Variants in SLC25A13 observed in about 807,000 individuals in gnomAD.
SLC25A13 encodes the protein solute carrier family 25 member 13.
Under a neutral mutation model 85.5 loss-of-function variants are expected in SLC25A13, and 70 were observed. The ratio of observed to expected loss-of-function variants is 0.82; its 90% CI spans 0.68 to 1.00. The LOEUF (loss-of-function observed/expected upper bound fraction) is 1.00. Among genes scored for constraint, SLC25A13 ranks in the 50% least tolerant of loss-of-function variants. The probability of loss-of-function intolerance (pLI) is 0.00; values close to 1 mark genes in which losing one functional copy is unlikely to be tolerated. For missense variants in SLC25A13, 765 were observed against 819.8 expected, an observed-to-expected ratio of 0.93 and a Z score of 0.82; for synonymous variants, 259 against 288.7, an observed-to-expected ratio of 0.90 and a Z score of 1.04.
intron 1 of SLC25A13, among the ~76,000 whole-genome samples, chr7:96,320,495 G>A (rs1388186540): frequency 6.6e-6 from 1 of 152,118 alleles, no homozygotes; most frequent in East Asian, 1.9e-4. Context: ...ACCAAGCCTT[G>A]TACCTTGGTT....
intron 1 of SLC25A13, among the ~76,000 whole-genome samples, chr7:96,301,264 A>G (rs1799539045): frequency 6.6e-6 from 1 of 152,212 alleles, no homozygotes; most frequent in South Asian, 2.1e-4. Context: ...GGGGTTTAGA[A>G]GAGTCATCAA....
chr7:96,218,861 T>C (rs1394235789), intron 4 of SLC25A13, among the ~76,000 whole-genome samples: 1 of 152,210 alleles, frequency 6.6e-6, no homozygotes, highest in African/African-American at 2.4e-5. Context: ...GCATGCTAAA[T>C]CCTCAAAGAA....
rs753950441 is a variant in SLC25A13 at position 96,277,250 on chromosome 7, G to C, written c.158C>G (p.Pro53Arg). ...RYLNIFGESQ[P>R]NPKTVELLSG... is the part of the protein sequence containing the mutation. ...TAAAAGTTCCACAGTCTTTGGATTA[G>C]GCTGGCTTTCTCCAAAAATGTTCAA... The change falls in exon 3 of 18, where the codon CCT becomes CGT. Residue 53 changes from proline (P) to arginine (R), a missense_variant. Coordinates refer to ENST00000265631, the MANE Select transcript of SLC25A13 (RefSeq NM_014251.3). 6.2e-7 allele frequency: 1 copy of C among 1,611,122 alleles called. No homozygotes were observed. Among genetic ancestry groups the C allele is most frequent in the South Asian group, 1.1e-5 (1 of 90,738 alleles).
intron 2 of SLC25A13, among the ~76,000 whole-genome samples, chr7:96,289,712 A>G (rs563169181): frequency 2.0e-5 from 3 of 152,342 alleles, no homozygotes; most frequent in Non-Finnish European, 4.4e-5. Flanking sequence ...TTAGAGAAAA[A>G]AGAGTAAAAA....
chr7:96,179,211 G>C (rs950289470), intron 11 of SLC25A13, among the ~76,000 whole-genome samples: 3 of 152,182 alleles, frequency 2.0e-5, no homozygotes, highest in African/African-American at 7.2e-5. Flanking sequence ...TTTCACCATA[G>C]TACATGAGAA....
At chr7:96,153,081 G>A (rs1186614295) in intron 13 of SLC25A13, among the ~76,000 whole-genome samples, 3 of 152,190 alleles carry the variant, frequency 2.0e-5, no homozygotes, top group Non-Finnish European at 4.4e-5. Context: ...CTGTGCTTAC[G>A]CATAACAGTA....
chr7:96,293,583 G>GA (rs562519150), intron 2 of SLC25A13, among the ~76,000 whole-genome samples: 83 of 152,128 alleles, frequency 5.5e-4, no homozygotes, highest in African/African-American at 2.0e-3. Context: ...AAACTCACAA[G>GA]AAAAAAACAA....
chr7:96,181,191 A>T (rs1166851133), intron 11 of SLC25A13, among the ~76,000 whole-genome samples: 2 of 152,252 alleles, frequency 1.3e-5, no homozygotes. Context: ...TTTTCCAGCA[A>T]CTAAAACTTA....
intron 4 of SLC25A13, among the ~76,000 whole-genome samples, chr7:96,233,489 T>G (rs1332366296): frequency 6.6e-6 from 1 of 152,222 alleles, no homozygotes; most frequent in African/African-American, 2.4e-5. Flanking sequence ...GCATCTGATC[T>G]TCTAGAAACC....
At chr7:96,299,567 G>A (rs1562916098) in intron 1 of SLC25A13, among the ~76,000 whole-genome samples, 3 of 152,198 alleles carry the variant, frequency 2.0e-5, no homozygotes, top group Admixed American at 1.3e-4. Context: ...TTTCTGAGCT[G>A]AGATCAGATC....
chr7:96,224,328 T>G (rs970665705), intron 4 of SLC25A13, among the ~76,000 whole-genome samples: 2 of 152,202 alleles, frequency 1.3e-5, no homozygotes, highest in African/African-American at 4.8e-5. Flanking sequence ...CCAAAGACCT[T>G]GTAGTGACTC....
At chr7:96,185,979 T>G (rs1562825233) in intron 9 of SLC25A13, among the ~76,000 whole-genome samples, 1 of 152,086 alleles carries the variant, frequency 6.6e-6, no homozygotes, top group Non-Finnish European at 1.5e-5. Flanking sequence ...AATTGGCAGG[T>G]TTTTGGTTTG....
intron 2 of SLC25A13, among the ~76,000 whole-genome samples, chr7:96,288,713 G>A (rs1798992138): frequency 6.6e-6 from 1 of 152,160 alleles, no homozygotes; most frequent in Non-Finnish European, 1.5e-5. Context: ...GTGGCAGTGA[G>A]GCTGGGGGAG....
At chr7:96,200,761 A>T (rs369715837) in intron 5 of SLC25A13, among the ~76,000 whole-genome samples, 20 of 152,318 alleles carry the variant, frequency 1.3e-4, no homozygotes, top group South Asian at 6.2e-4. Context: ...AGTGGGTAAC[A>T]GCTGGGGAGA....
At chr7:96,255,512 C>G (rs1470327985) in intron 3 of SLC25A13, among the ~76,000 whole-genome samples, 1 of 152,050 alleles carries the variant, frequency 6.6e-6, no homozygotes, top group East Asian at 1.9e-4. Flanking sequence ...ACAGGGAAAC[C>G]CCATCTTTAC....
chr7:96,291,605 G>C (rs960064835), intron 2 of SLC25A13, among the ~76,000 whole-genome samples: 11 of 152,086 alleles, frequency 7.2e-5, no homozygotes, highest in Non-Finnish European at 1.5e-4. Context: ...TATCTCCACC[G>C]ATCCCACAGA....
intron 13 of SLC25A13, among the ~76,000 whole-genome samples, chr7:96,155,954 C>A (rs1251849906): frequency 6.6e-6 from 1 of 152,214 alleles, no homozygotes; most frequent in African/African-American, 2.4e-5. Context: ...CGCTCAGAAC[C>A]ATTACGCCTA....
rs1442466379 is a variant in SLC25A13, at chr7:96,189,374, T to C, written c.853A>G (p.Met285Val). 2 of 1,613,762 alleles carry C rather than the reference T, an allele frequency of 1.2e-6. No homozygotes were observed. Among genetic ancestry groups the C allele is most frequent in the Non-Finnish European group, 1.7e-6 (2 of 1,179,964 alleles). The change falls in exon 9 of 18, where the codon ATG becomes GTG. Residue 285 changes from methionine to valine, a missense_variant. By Grantham distance (21) the Met-to-Val change is conservative (BLOSUM62 1). Transcript: ENST00000265631. ...ATCCGTTCAATGTCTGCTAAGGTCA[T>C]ACGTCTGTAGGGGAAAAACAAACAC... The part of the protein sequence containing the change: ...LADLYEPRGR[M>V]TLADIERIAP...
chr7:96,246,268 A>G (rs1436014302), intron 3 of SLC25A13, among the ~76,000 whole-genome samples: 1 of 152,246 alleles, frequency 6.6e-6, no homozygotes, highest in Admixed American at 6.5e-5. Flanking sequence ...GAATGTTCCC[A>G]TACATACTTT....
Sources: allele counts gnomAD v4.1 joint callset (sites outside exome capture counted in the v4.1 genomes callset), GRCh38; gene constraint gnomAD v4.1.1; transcripts MANE v1.5; gene names NCBI Gene and HGNC (gene_info 2026-07-23, HGNC 2026-07-21).